SHANK2: variants seen among roughly 807,000 people sequenced by gnomAD.
SHANK2 encodes the protein SH3 and multiple ankyrin repeat domains 2.
In SHANK2, 43 loss-of-function variants were observed where a neutral mutation model predicts 133.7. That is an observed-to-expected ratio of 0.32 (90% CI 0.25 to 0.41). The LOEUF (loss-of-function observed/expected upper bound fraction) is 0.41, where lower values mean the gene tolerates loss of function less well. Among genes scored for constraint, SHANK2 ranks in the 10% least tolerant of loss-of-function variants. The probability of loss-of-function intolerance (pLI) is 1.00; values close to 1 mark genes in which losing one functional copy is unlikely to be tolerated. For synonymous variants in SHANK2, 1,017 were observed against 952.8 expected (o/e 1.07, Z -1.24); for missense variants, 1,994 against 2,235.8 (o/e 0.89, Z 2.18).
intron 10 of SHANK2, among the ~76,000 whole-genome samples, chr11:70,934,379 T>A (rs1345933701): frequency 6.6e-6 from 1 of 152,022 alleles, no homozygotes; most frequent in Non-Finnish European, 1.5e-5. Flanking sequence ...GCCTCCCTCC[T>A]GCTTCTCAGG....
chr11:71,108,280 A>G (rs1951831755), intron 6 of SHANK2, among the ~76,000 whole-genome samples: 2 of 152,172 alleles, frequency 1.3e-5, no homozygotes, highest in South Asian at 2.1e-4. Flanking sequence ...CACGTCAGGG[A>G]AAGATGGTCG....
chr11:70,877,955 G>C (rs1949595732), intron 11 of SHANK2, among the ~76,000 whole-genome samples: 1 of 152,204 alleles, frequency 6.6e-6, no homozygotes, highest in Admixed American at 6.5e-5. Context: ...TGGGTGTGCT[G>C]GGGAAAAGAG....
intron 8 of SHANK2, among the ~76,000 whole-genome samples, chr11:71,086,162 A>T (rs1366533272): frequency 4.7e-4 from 3 of 6,346 alleles, no homozygotes; most frequent in African/African-American, 6.7e-4. Context: ...TAATATATTA[A>T]ATTATATAAT....
chr11:70,842,368 G>A (rs1948920908), intron 11 of SHANK2, among the ~76,000 whole-genome samples: 1 of 152,150 alleles, frequency 6.6e-6, no homozygotes, highest in Non-Finnish European at 1.5e-5. Flanking sequence ...TGACCCCGAG[G>A]TGGTCAAGCT....
chr11:71,081,564 T>A (rs1035644275), intron 8 of SHANK2, among the ~76,000 whole-genome samples: 218 of 152,216 alleles, frequency 1.4e-3, no homozygotes, highest in African/African-American at 5.0e-3. Context: ...GTGCAGAGGG[T>A]GGGGTGCTGG....
chr11:70,861,577 C>T (rs1020003131), intron 11 of SHANK2, among the ~76,000 whole-genome samples: 1 of 152,046 alleles, frequency 6.6e-6, no homozygotes, highest in African/African-American at 2.4e-5. Flanking sequence ...TTTTTTTAAA[C>T]CATGCAAACA....
intron 10 of SHANK2, among the ~76,000 whole-genome samples, chr11:70,912,416 A>C (rs933395284): frequency 3.3e-5 from 5 of 152,170 alleles, no homozygotes; most frequent in African/African-American, 1.2e-4. Context: ...AGGTAATTGA[A>C]TCACGGGGGC....
In SHANK2 at chr11:70,735,280, G is replaced by T. The variant is rs1034393518; in HGVS notation, c.1778-36517C>A. ...AGCTGGGCAACCAGGCAGGGTCTTG[G>T]GAAGGCCTGGCTTCCCGAGAGATCC... On this transcript the variant is annotated intron_variant, in intron 14 of 25. Coordinates refer to ENST00000601538, the MANE Select transcript of SHANK2 (RefSeq NM_012309.5). Among the ~76,000 whole-genome samples the T allele has an allele frequency of 7.9e-5, 12 of 152,332 alleles. No homozygotes were observed. In the East Asian group the frequency reaches 2.3e-3, roughly 29 times the overall value.
At chr11:71,214,511 C>T (rs997789595) in intron 2 of SHANK2, among the ~76,000 whole-genome samples, 1 of 152,222 alleles carries the variant, frequency 6.6e-6, no homozygotes. Context: ...CTTGAGAAAA[C>T]GACCTTCCCT....
intron 1 of SHANK2, among the ~76,000 whole-genome samples, chr11:71,238,048 T>C (rs1009337419): frequency 6.6e-6 from 1 of 152,080 alleles, no homozygotes; most frequent in Non-Finnish European, 1.5e-5. Context: ...GGACTGAGGG[T>C]GGGACTCAGG....
chr11:70,662,774 C>G (rs73525967), intron 15 of SHANK2, among the ~76,000 whole-genome samples: 1 of 152,090 alleles, frequency 6.6e-6, no homozygotes, highest in African/African-American at 2.4e-5. Context: ...TGCTGGCACT[C>G]GCCACATGAC....
At chr11:70,492,112 A>G (rs546814986) in intron 22 of SHANK2, among the ~76,000 whole-genome samples, 2 of 152,126 alleles carry the variant, frequency 1.3e-5, no homozygotes, top group East Asian at 3.9e-4. Flanking sequence ...CAGGGCACTG[A>G]GTGAGCGGTA....
chr11:71,165,037 A>AG (rs1555110578), intron 2 of SHANK2, among the ~76,000 whole-genome samples: 1 of 143,108 alleles, frequency 7.0e-6, no homozygotes, highest in Non-Finnish European at 1.5e-5. Flanking sequence ...TCTTGTCTTC[A>AG]TTTTTTTTTT....
chr11:70,656,747 CATCT>C lies in SHANK2; in HGVS notation c.2061+3077_2061+3080del, dbSNP rs1397124899. 2.6e-5 allele frequency among the ~76,000 whole-genome samples: 4 copies of C among 152,300 alleles called. No homozygotes were observed. In the East Asian group the frequency reaches 7.7e-4, roughly 29 times the overall value. ...TATTACCACACAGCTTGAGTGATAA[CATCT>C]ATCTGTCTCATGAGACTCCCGATCT... On this transcript the variant is annotated intron_variant, in intron 17 of 25. Transcript: ENST00000601538.
chr11:70,501,972 A>G (rs2059060187), intron 19 of SHANK2, 41 bp from the exon 20 acceptor site: 2 of 1,551,460 alleles, frequency 1.3e-6, no homozygotes, highest in South Asian at 1.2e-5. Flanking sequence ...ACAATGTTAG[A>G]TAAACAGAAA....
intron 14 of SHANK2, among the ~76,000 whole-genome samples, chr11:70,742,981 G>T (rs1555035091): frequency 6.6e-6 from 1 of 152,250 alleles, no homozygotes; most frequent in Non-Finnish European, 1.5e-5. Context: ...CTGGAATTCT[G>T]CAGAAGCTTC....
chr11:70,507,827 C>T (rs1179814191), intron 17 of SHANK2, among the ~76,000 whole-genome samples: 2 of 152,210 alleles, frequency 1.3e-5, no homozygotes, highest in Non-Finnish European at 1.5e-5. Flanking sequence ...CCCAGTGACG[C>T]GCGTTTGTAA....
intron 17 of SHANK2, among the ~76,000 whole-genome samples, chr11:70,648,757 G>A (rs2061302374): frequency 6.6e-6 from 1 of 152,166 alleles, no homozygotes; most frequent in Admixed American, 6.5e-5. Flanking sequence ...TGGAGAGGGG[G>A]AAGGGGTTTG....
At chr11:71,218,608 G>A (rs1181905226) in intron 2 of SHANK2, among the ~76,000 whole-genome samples, 3 of 152,040 alleles carry the variant, frequency 2.0e-5, no homozygotes, top group Admixed American at 6.5e-5. Flanking sequence ...GATGAGCAGC[G>A]TGAGGGCAGG....
Sources: gnomAD v4.1 joint callset for allele counts (sites outside exome capture counted in the v4.1 genomes callset) on GRCh38, gnomAD v4.1.1 for gene constraint, MANE v1.5 for transcripts, NCBI Gene and HGNC (gene_info 2026-07-23, HGNC 2026-07-21) for gene names.